CTNNA2: variants seen among roughly 807,000 people sequenced by gnomAD.
CTNNA2 encodes catenin alpha-2.
Under a neutral mutation model 101.0 loss-of-function variants are expected in CTNNA2, and 42 were observed. The observed-to-expected ratio is 0.42, with a 90% CI of 0.32 to 0.54. The LOEUF (loss-of-function observed/expected upper bound fraction) is 0.54, where lower values mean the gene tolerates loss of function less well. CTNNA2 is among the 20% of genes least tolerant of loss of function. The probability of loss-of-function intolerance (pLI) is 0.14; values close to 1 mark genes in which losing one functional copy is unlikely to be tolerated. For missense variants in CTNNA2, 871 were observed against 1,223.1 expected, an observed-to-expected ratio of 0.71 and a Z score of 4.29; for synonymous variants, 450 against 456.4, an observed-to-expected ratio of 0.99 and a Z score of 0.18.
At chr2:80,588,442 A>T (rs986561418) in intron 14 of CTNNA2, among the ~76,000 whole-genome samples, 8 of 152,090 alleles carry the variant, frequency 5.3e-5, no homozygotes, top group African/African-American at 9.7e-5. Context: ...ACGCAACTCA[A>T]TTTTTTTGCT....
At chr2:79,471,039 T>A (rs1018706021) in intron 4 of CTNNA2, among the ~76,000 whole-genome samples, 2 of 152,190 alleles carry the variant, frequency 1.3e-5, no homozygotes, top group South Asian at 2.1e-4. Context: ...ATTGAAGGTT[T>A]GTAACAATTC....
rs184666388 is a variant in CTNNA2 at position 79,833,197 on chromosome 2, G to T, written c.299-24816G>T. 2.0e-3 allele frequency among the ~76,000 whole-genome samples: 300 copies of T among 152,240 alleles called. 3 individuals are homozygous for T. Among genetic ancestry groups the T allele is most frequent in the African/African-American group, 6.9e-3 (286 of 41,548 alleles). Reference sequence around the variant, plus strand: ...CCTGAGTTTGGAATCCAATTCTGTGGATCACAAGATAATTTTTACTGTGGC... The same window carrying T: ...CCTGAGTTTGGAATCCAATTCTGTGTATCACAAGATAATTTTTACTGTGGC... On this transcript the variant is annotated intron_variant, in intron 3 of 18. Coordinates refer to ENST00000402739, the MANE Select transcript of CTNNA2 (RefSeq NM_001282597.3).
chr2:79,811,615 A>G (rs1435476316), intron 3 of CTNNA2, among the ~76,000 whole-genome samples: 1 of 152,140 alleles, frequency 6.6e-6, no homozygotes, highest in East Asian at 1.9e-4. Context: ...ACCACACTGT[A>G]TTGATTATTG....
intron 6 of CTNNA2, among the ~76,000 whole-genome samples, chr2:79,881,191 C>T (rs1404681765): frequency 6.6e-6 from 1 of 152,134 alleles, no homozygotes; most frequent in Admixed American, 6.6e-5. Flanking sequence ...GTTATGGTTT[C>T]AGTTCTTTTG....
chr2:80,411,178 A>T (rs1679536214), intron 8 of CTNNA2, among the ~76,000 whole-genome samples: 1 of 152,220 alleles, frequency 6.6e-6, no homozygotes, highest in Non-Finnish European at 1.5e-5. Context: ...TACTATTTTA[A>T]AACATTTTGA....
At chr2:79,505,932 G>A (rs190532286) in intron 5 of CTNNA2, among the ~76,000 whole-genome samples, 20 of 152,258 alleles carry the variant, frequency 1.3e-4, no homozygotes, top group African/African-American at 4.3e-4. Flanking sequence ...TGTCAAAATT[G>A]TCTTGAATGG....
intron 2 of CTNNA2, among the ~76,000 whole-genome samples, chr2:79,282,745 T>A (rs1675430523): frequency 7.3e-6 from 1 of 137,836 alleles, no homozygotes; most frequent in Non-Finnish European, 1.6e-5. Flanking sequence ...TATAGCAGCA[T>A]GATTTATAGT....
intron 7 of CTNNA2, among the ~76,000 whole-genome samples, chr2:79,995,532 C>T (rs1037916300): frequency 1.3e-5 from 2 of 152,112 alleles, no homozygotes; most frequent in Admixed American, 1.3e-4. Context: ...AAGTCTGGGC[C>T]AGGCACAGTG....
At chr2:79,341,560 A>T (rs1277308950) in intron 3 of CTNNA2, among the ~76,000 whole-genome samples, 1 of 152,192 alleles carries the variant, frequency 6.6e-6, no homozygotes, top group African/African-American at 2.4e-5. Context: ...TGGAGCAACG[A>T]TCTTTGTTTC....
intron 9 of CTNNA2, among the ~76,000 whole-genome samples, chr2:80,504,404 A>G (rs1469971898): frequency 6.6e-6 from 1 of 152,154 alleles, no homozygotes; most frequent in Non-Finnish European, 1.5e-5. Flanking sequence ...TCCCAGGATC[A>G]TCTCTTTTGC....
chr2:80,011,442 A>G (rs1350751785), intron 7 of CTNNA2, among the ~76,000 whole-genome samples: 1 of 152,122 alleles, frequency 6.6e-6, no homozygotes, highest in Admixed American at 6.5e-5. Context: ...GGCTTTATCC[A>G]CACCCGAGTC....
At chr2:80,204,790 C>A (rs1707426985) in intron 7 of CTNNA2, among the ~76,000 whole-genome samples, 2 of 150,694 alleles carry the variant, frequency 1.3e-5, no homozygotes, top group African/African-American at 4.9e-5. Context: ...CATTTTCATG[C>A]TGCTGATAAA....
At chr2:79,250,198 A>G (rs1031710648) in intron 2 of CTNNA2, among the ~76,000 whole-genome samples, 1 of 152,118 alleles carries the variant, frequency 6.6e-6, no homozygotes, top group African/African-American at 2.4e-5. Context: ...CTTGTAAGTC[A>G]TTTAGTAGGG....
chr2:80,516,503 T>C (rs1359291466), intron 9 of CTNNA2, among the ~76,000 whole-genome samples: 1 of 152,140 alleles, frequency 6.6e-6, no homozygotes, highest in Non-Finnish European at 1.5e-5. Context: ...GCACCTCAAA[T>C]AGGTCCAAGA....
At chr2:79,583,891 A>G (rs1210663469) in intron 1 of CTNNA2, among the ~76,000 whole-genome samples, 3 of 151,768 alleles carry the variant, frequency 2.0e-5, no homozygotes, top group Non-Finnish European at 2.9e-5. Context: ...TGGATGTCCT[A>G]TTTTTTTCTT....
chr2:79,380,060 C>T (rs1558653314), intron 4 of CTNNA2, among the ~76,000 whole-genome samples: 1 of 152,170 alleles, frequency 6.6e-6, no homozygotes, highest in Non-Finnish European at 1.5e-5. Context: ...TATTGTACCA[C>T]TTTCTTCTGT....
intron 9 of CTNNA2, among the ~76,000 whole-genome samples, chr2:80,483,909 G>A (rs996183224): frequency 3.3e-5 from 5 of 152,106 alleles, no homozygotes; most frequent in African/African-American, 1.2e-4. Context: ...AAAAACTAAT[G>A]AAGAGAAAAC....
At chr2:79,914,627 CA>C (rs1686059534) in intron 7 of CTNNA2, among the ~76,000 whole-genome samples, 1 of 152,142 alleles carries the variant, frequency 6.6e-6, no homozygotes, top group Non-Finnish European at 1.5e-5. Flanking sequence ...TTTTCTTAAA[CA>C]ATCATGCAGT....
At chr2:79,649,301 G>T (rs560465279) in intron 1 of CTNNA2, 272 of 154,826 alleles carry the variant, frequency 1.8e-3, no homozygotes, top group African/African-American at 6.1e-3. Flanking sequence ...TCTCTATGCA[G>T]TCTTACCCAG....
Sources: allele counts gnomAD v4.1 joint callset (sites outside exome capture counted in the v4.1 genomes callset), GRCh38; gene constraint gnomAD v4.1.1; transcripts MANE v1.5; gene names NCBI Gene and HGNC (gene_info 2026-07-23, HGNC 2026-07-21).